LARS1: variants seen among roughly 807,000 people sequenced by gnomAD.
The protein encoded by LARS1 is leucine--tRNA ligase, cytoplasmic.
A neutral mutation model predicts 162.8 loss-of-function variants in LARS1; 100 were observed. The observed-to-expected ratio is 0.61, with a 90% confidence interval of 0.52 to 0.73. The LOEUF (loss-of-function observed/expected upper bound fraction) is 0.73, where lower values mean the gene tolerates loss of function less well. Among genes scored for constraint, LARS1 ranks in the 30% least tolerant of loss-of-function variants. The pLI, the probability that LARS1 is intolerant of heterozygous loss-of-function variation, is 0.00. For missense variants in LARS1, 1,258 were observed against 1,408.9 expected (o/e 0.89, Z 1.71); for synonymous variants, 457 against 462.8 (o/e 0.99, Z 0.16).
At chr5:146,128,624 G>T in intron 27 of LARS1, 48 bp downstream of exon 27, 6 of 1,237,894 alleles carry the variant, frequency 4.8e-6, no homozygotes, top group South Asian at 1.5e-5. Context: ...AAACAACATA[G>T]GGAGCATACA....
chr5:146,153,822 A>C lies in LARS1; in HGVS notation c.1154-12T>G. 2 of 1,613,414 alleles carry C rather than the reference A, an allele frequency of 1.2e-6. No homozygotes were observed. The highest frequency in any genetic ancestry group is 1.7e-6 in the Non-Finnish European group (2 of 1,179,382). On this transcript the variant is annotated splice_polypyrimidine_tract_variant and intron_variant, in intron 11 of 31. Transcript: ENST00000394434. ...AACCACACCAGTGCCTTAGAAAACA[A>C]AGTGTGGAATTAATAACTAGAACCA...
chr5:146,138,649 A>AC (rs1752617272), intron 21 of LARS1: 1 of 151,910 alleles, frequency 6.6e-6, no homozygotes. Context: ...AATCGCTTGA[A>AC]CCCAAGAGGT....
At chr5:146,159,889 C>G (rs143622522) in intron 7 of LARS1, among the ~76,000 whole-genome samples, 1 of 152,018 alleles carries the variant, frequency 6.6e-6, no homozygotes, top group East Asian at 1.9e-4. Context: ...AAATAAAACA[C>G]AAATCAAATG....
At chr5:146,174,144 TAAAAAAAAAA>T (rs66479730) in intron 2 of LARS1, among the ~76,000 whole-genome samples, 2 of 89,136 alleles carry the variant, frequency 2.2e-5, no homozygotes, top group East Asian at 4.2e-4. Context: ...CTTTTTCTCT[TAAAAAAAAAA>T]AAAAAAAAAA....
At chr5:146,140,630 G>T (rs1752730702) in intron 20 of LARS1, among the ~76,000 whole-genome samples, 1 of 152,090 alleles carries the variant, frequency 6.6e-6, no homozygotes. Context: ...GGAGGGTGAA[G>T]CCCCATCTCT....
At chr5:146,153,394 G>C (rs564247058) in intron 12 of LARS1, among the ~76,000 whole-genome samples, 167 bp from the exon 13 acceptor site, 22 of 152,292 alleles carry the variant, frequency 1.4e-4, no homozygotes, top group African/African-American at 5.1e-4. Context: ...AAAGGGATCT[G>C]TAACCTTCAA....
chr5:146,167,195 G>A (rs1754049736), intron 5 of LARS1, among the ~76,000 whole-genome samples: 2 of 152,126 alleles, frequency 1.3e-5, no homozygotes, highest in South Asian at 4.1e-4. Flanking sequence ...ATTGGACATT[G>A]GAAGAGAAAA....
chr5:146,172,980 A>T (rs1332423869), intron 2 of LARS1, among the ~76,000 whole-genome samples: 1 of 152,220 alleles, frequency 6.6e-6, no homozygotes, highest in African/African-American at 2.4e-5. Context: ...AGACATTGAT[A>T]GGTTGCTATT....
intron 10 of LARS1, 31 bp from the exon 11 acceptor site, chr5:146,154,011 GAAGT>G: frequency 6.9e-7 from 1 of 1,443,064 alleles, no homozygotes; most frequent in Non-Finnish European, 9.6e-7. Flanking sequence ...TATAAAAGGT[GAAGT>G]AATTCATTGT....
At chr5:146,181,111 T>A (rs912199214) in intron 1 of LARS1, 1 of 152,368 alleles carries the variant, frequency 6.6e-6, no homozygotes, top group Non-Finnish European at 1.5e-5. Flanking sequence ...CCCAGCACTT[T>A]GGGAGGCCGA....
At chr5:146,157,839 T>A (rs1453290011) in intron 8 of LARS1, 44 bp from the exon 9 acceptor site, 1 of 1,581,086 alleles carries the variant, frequency 6.3e-7, no homozygotes, top group Non-Finnish European at 8.7e-7. Flanking sequence ...AAAAAAAGAC[T>A]TGCCTTAAAC....
At chr5:146,135,089 C>T (rs1050226125) in intron 22 of LARS1, among the ~76,000 whole-genome samples, 3 of 152,156 alleles carry the variant, frequency 2.0e-5, no homozygotes, top group African/African-American at 2.4e-5. Flanking sequence ...CTGCAACCTC[C>T]GCCTCCCGGG....
In LARS1 at chr5:146,122,267, A is replaced by G. The variant is rs560819629; in HGVS notation, c.3192+225T>C. ...CCACAAATAACATCTGATAGTTCCT[A>G]TAATAGTAAACTGAGGAAAAGGTAA... On this transcript the variant is annotated intron_variant, in intron 30 of 31. Coordinates refer to ENST00000394434, the MANE Select transcript of LARS1 (RefSeq NM_020117.11). Among the ~76,000 whole-genome samples the G allele has an allele frequency of 2.6e-5, 4 of 152,224 alleles. No individual in the cohort carries two copies. In the East Asian group the frequency reaches 7.7e-4, roughly 29 times the overall value.
chr5:146,164,166 G>T lies in LARS1; in HGVS notation c.594+144C>A, dbSNP rs1581071959. The T allele has an allele frequency of 2.1e-5, 15 of 718,206 alleles. No homozygotes were observed. In the South Asian group the frequency reaches 2.2e-4, roughly 11 times the overall value. The allele number at this position is 718,206 out of a possible 1,614,324, so 44.5% of individuals were successfully genotyped here. A position where few individuals can be genotyped will look rare whatever the true frequency, so the allele number is the denominator to read the frequency against. ...GTAAGCAAATGCTGTTGGAAAAATG[G>T]TGCCACTAGACTTGCTCAACGCAGG... On this transcript the variant is annotated intron_variant, in intron 6 of 31. Transcript: ENST00000394434.
At chr5:146,136,139 G>A (rs989597345) in intron 21 of LARS1, among the ~76,000 whole-genome samples, 1 of 152,220 alleles carries the variant, frequency 6.6e-6, no homozygotes, top group Admixed American at 6.5e-5. Context: ...GCAATGCATC[G>A]GAAGAGGCAC....
chr5:146,135,498 A>T, intron 22 of LARS1, 103 bp downstream of exon 22: 1 of 847,986 alleles, frequency 1.2e-6, no homozygotes, highest in Non-Finnish European at 1.8e-6. Context: ...AAATTTTGTT[A>T]AAAGCAAAAC....
In LARS1 at chr5:146,153,932, T is replaced by C; in HGVS notation, c.1114A>G (p.Ile372Val). Reference protein sequence around the residue: ...LSAPLTSYKVIYVLPMLTIKE... With the variant: ...LSAPLTSYKVVYVLPMLTIKE... ...ATAGTTAGCATTGGGAGAACATAGA[T>C]CACCTTGTATGATGTTAAAGGTGCA... The change falls in exon 11 of 32, where the codon ATC becomes GTC. Residue 372 changes from isoleucine (I) to valine (V), a missense_variant. Transcript: ENST00000394434. 1 of 1,612,236 alleles carries C rather than the reference T, an allele frequency of 6.2e-7. No homozygotes were observed. Among genetic ancestry groups the C allele is most frequent in the Non-Finnish European group, 8.5e-7 (1 of 1,179,456 alleles).
At chr5:146,156,562 G>A (rs966899448) in intron 10 of LARS1, among the ~76,000 whole-genome samples, 2 of 152,026 alleles carry the variant, frequency 1.3e-5, no homozygotes, top group Non-Finnish European at 2.9e-5. Context: ...GGGCGTGGTG[G>A]CCCGCACCTG....
intron 1 of LARS1, among the ~76,000 whole-genome samples, chr5:146,179,308 C>T (rs1331648985): frequency 1.3e-5 from 2 of 151,978 alleles, no homozygotes; most frequent in Non-Finnish European, 2.9e-5. Context: ...ATTACAGGTG[C>T]GTGCCACCAT....
Sources: allele counts gnomAD v4.1 joint callset (sites outside exome capture counted in the v4.1 genomes callset), GRCh38; gene constraint gnomAD v4.1.1; transcripts MANE v1.5; gene names NCBI Gene and HGNC (gene_info 2026-07-23, HGNC 2026-07-21).